Variants in HFM1 observed in about 807,000 individuals in gnomAD.
The protein encoded by HFM1 is probable ATP-dependent DNA helicase HFM1.
Under a neutral mutation model 192.1 loss-of-function variants are expected in HFM1, and 169 were observed. The ratio of observed to expected loss-of-function variants is 0.88; its 90% confidence interval spans 0.78 to 1.00. The LOEUF is 1.00. HFM1 is among the 50% of genes least tolerant of loss of function. The pLI is 0.00. For missense variants in HFM1, 1,661 were observed against 1,668.0 expected (o/e 1.00, Z 0.07); for synonymous variants, 525 against 537.8 (o/e 0.98, Z 0.33).
At chr1:91,323,039 T>A in intron 22 of HFM1, 42 bp from the exon 23 acceptor site, 1 of 1,329,238 alleles carries the variant, frequency 7.5e-7, no homozygotes, top group Non-Finnish European at 1.0e-6. Context: ...TTATTATTTA[T>A]TTTAATTAAA....
intron 23 of HFM1, among the ~76,000 whole-genome samples, chr1:91,320,281 G>T (rs1360995957): frequency 6.6e-6 from 1 of 152,184 alleles, no homozygotes; most frequent in Non-Finnish European, 1.5e-5. Flanking sequence ...CATGAAAATT[G>T]AAAGAAGTAA....
intron 4 of HFM1, among the ~76,000 whole-genome samples, chr1:91,390,265 G>A (rs745846619): frequency 4.6e-5 from 7 of 152,058 alleles, no homozygotes; most frequent in South Asian, 2.1e-4. Flanking sequence ...GTGAAATTCC[G>A]TCTCTACTAA....
chr1:91,288,888 G>A (rs1266946679), intron 30 of HFM1, among the ~76,000 whole-genome samples: 3 of 152,154 alleles, frequency 2.0e-5, no homozygotes, highest in Non-Finnish European at 4.4e-5. Context: ...ATGAGCTGTT[G>A]GGTACACCTC....
intron 30 of HFM1, among the ~76,000 whole-genome samples, chr1:91,297,270 G>C (rs1407879322): frequency 6.6e-6 from 1 of 152,242 alleles, no homozygotes; most frequent in African/African-American, 2.4e-5. Context: ...GCCGACGCTT[G>C]AGTAGGTAAA....
intron 23 of HFM1, among the ~76,000 whole-genome samples, chr1:91,322,731 A>G (rs1423243749): frequency 6.6e-6 from 1 of 152,158 alleles, no homozygotes; most frequent in Non-Finnish European, 1.5e-5. Context: ...TCTTCATTCA[A>G]CCGTCCACCT....
intron 30 of HFM1, among the ~76,000 whole-genome samples, chr1:91,294,038 G>C (rs1467565030): frequency 1.4e-5 from 2 of 141,214 alleles, no homozygotes; most frequent in Admixed American, 1.5e-4. Context: ...ATCACACTCT[G>C]GGGACTGTGG....
At position 91,313,984 on chromosome 1, in the gene HFM1, T is replaced by C; in HGVS notation, c.3217A>G (p.Ser1073Gly). ...VKRALKSEDL[S>G]INLISSEFVG... ...AATTCAGAACTTATTAGATTTATGC[T>C]AAGATCTTCAGATTTAAGAGCTCTT... Residue 1073 changes from serine to glycine, a missense_variant, in exon 29 of 39, where the codon AGC (serine) becomes GGC (glycine). By Grantham distance (56) the Ser-to-Gly change is moderately conservative. Transcript: ENST00000370425. The C allele has an allele frequency of 6.2e-7, 1 of 1,604,588 alleles. No individual in the cohort carries two copies. The highest frequency in any genetic ancestry group is 8.5e-7 in the Non-Finnish European group (1 of 1,172,708).
At chr1:91,327,327 G>A (rs903657272) in intron 20 of HFM1, among the ~76,000 whole-genome samples, 17 of 152,160 alleles carry the variant, frequency 1.1e-4, no homozygotes, top group Non-Finnish European at 1.8e-4. Flanking sequence ...ACAAGCGTGA[G>A]CAACACGGCA....
chr1:91,285,975 T>C (rs1667930370), intron 30 of HFM1, among the ~76,000 whole-genome samples: 1 of 152,190 alleles, frequency 6.6e-6, no homozygotes, highest in African/African-American at 2.4e-5. Flanking sequence ...TGTGTTCAAG[T>C]AACCCTTGTT....
chr1:91,363,619 CGTT>C (rs749981210), intron 13 of HFM1, among the ~76,000 whole-genome samples: 43 of 151,992 alleles, frequency 2.8e-4, no homozygotes, highest in Admixed American at 4.6e-4. Context: ...TTGTGGAAGA[CGTT>C]GTGGCAATTC....
At chr1:91,376,030 G>C (rs1341003813) in intron 11 of HFM1, among the ~76,000 whole-genome samples, 1 of 151,320 alleles carries the variant, frequency 6.6e-6, no homozygotes, top group Non-Finnish European at 1.5e-5. Context: ...TTGTCATAGA[G>C]GCCAAATTTC....
chr1:91,263,251 G>C (rs934337787), intron 36 of HFM1, among the ~76,000 whole-genome samples: 3 of 152,094 alleles, frequency 2.0e-5, no homozygotes, highest in African/African-American at 7.2e-5. Flanking sequence ...TTTAAAAGAT[G>C]ATCATCAATG....
chr1:91,403,368 TCA>T (rs1664507573), intron 1 of HFM1, among the ~76,000 whole-genome samples: 2 of 152,176 alleles, frequency 1.3e-5, no homozygotes, highest in African/African-American at 4.8e-5. Context: ...TCTTCAACGT[TCA>T]GTTAAAAAAT....
chr1:91,277,727 CTAATATATA>C (rs932462317), intron 30 of HFM1, among the ~76,000 whole-genome samples: 10 of 116,290 alleles, frequency 8.6e-5, no homozygotes, highest in Non-Finnish European at 1.3e-4. Context: ...ATAATATATA[CTAATATATA>C]TAATATATAT....
intron 30 of HFM1, among the ~76,000 whole-genome samples, chr1:91,279,478 A>C (rs1164092521): frequency 6.6e-6 from 1 of 152,202 alleles, no homozygotes; most frequent in Non-Finnish European, 1.5e-5. Context: ...TTTAAAGTCC[A>C]ATGCTGATCA....
intron 20 of HFM1, among the ~76,000 whole-genome samples, chr1:91,333,050 C>T (rs1190934312): frequency 6.6e-6 from 1 of 152,020 alleles, no homozygotes; most frequent in Admixed American, 6.6e-5. Context: ...GGAGGTTCCT[C>T]AAAAAACTAA....
chr1:91,368,621 C>T (rs944160738), intron 13 of HFM1, among the ~76,000 whole-genome samples: 2 of 152,170 alleles, frequency 1.3e-5, no homozygotes, highest in Non-Finnish European at 2.9e-5. Context: ...AAAGGAACAA[C>T]TGGTACCAGC....
intron 30 of HFM1, among the ~76,000 whole-genome samples, chr1:91,293,048 T>C (rs1490649264): frequency 1.1e-4 from 16 of 152,192 alleles, no homozygotes; most frequent in Non-Finnish European, 2.2e-4. Context: ...ATACAAAAAT[T>C]AATTCAAGAT....
intron 20 of HFM1, among the ~76,000 whole-genome samples, chr1:91,338,782 T>C (rs1447528001): frequency 6.6e-6 from 1 of 152,138 alleles, no homozygotes; most frequent in Middle Eastern, 3.2e-3. Context: ...ACTGCAAACA[T>C]GGACCCTGCT....
Sources: allele counts gnomAD v4.1 joint callset (sites outside exome capture counted in the v4.1 genomes callset), GRCh38; gene constraint gnomAD v4.1.1; transcripts MANE v1.5; gene names NCBI Gene and HGNC (gene_info 2026-07-23, HGNC 2026-07-21).